The following GNA14 variants were observed in gnomAD, a reference collection of about 807,000 sequenced individuals.
GNA14 encodes G protein subunit alpha 14.
GNA14 carries 50 observed loss-of-function variants against 42.0 expected under a neutral mutation model. The ratio of observed to expected loss-of-function variants is 1.19; its 90% CI spans 0.95 to 1.51. GNA14 has a LOEUF of 1.51. Ranked by LOEUF, GNA14 falls within the 40% of genes most tolerant of loss-of-function variation. The pLI is 0.00. For synonymous variants in GNA14, 173 were observed against 163.1 expected (o/e 1.06, Z -0.46); for missense variants, 473 against 446.2 (o/e 1.06, Z -0.54).
intron 1 of GNA14, among the ~76,000 whole-genome samples, chr9:77,593,946 A>G (rs554106768): frequency 6.6e-6 from 1 of 152,282 alleles, no homozygotes; most frequent in South Asian, 2.1e-4. Flanking sequence ...GCTGCCTTAT[A>G]TTGTACAATG....
intron 2 of GNA14, among the ~76,000 whole-genome samples, chr9:77,452,597 GTGTGTATGTGTA>G (rs1835926690): frequency 7.9e-3 from 3 of 378 alleles, no homozygotes; most frequent in African/African-American, 0.015. Flanking sequence ...TGTGTGTGTG[GTGTGTATGTGTA>G]TGTGTGTGTA....
intron 2 of GNA14, among the ~76,000 whole-genome samples, chr9:77,512,377 G>C (rs1564037212): frequency 6.6e-6 from 1 of 152,018 alleles, no homozygotes; most frequent in Non-Finnish European, 1.5e-5. Flanking sequence ...TAGCATTTGG[G>C]TTTTTTATGT....
chr9:77,429,227 A>G (rs1430819011), intron 4 of GNA14, among the ~76,000 whole-genome samples, 191 bp from the exon 5 acceptor site: 1 of 152,238 alleles, frequency 6.6e-6, no homozygotes, highest in Admixed American at 6.5e-5. Context: ...GATGTTTCCT[A>G]GCAAAGAAGG....
At chr9:77,539,599 T>C (rs1036597287) in intron 1 of GNA14, among the ~76,000 whole-genome samples, 3 of 152,212 alleles carry the variant, frequency 2.0e-5, no homozygotes, top group South Asian at 2.1e-4. Context: ...TTCTTCATTA[T>C]ACATTTGGTA....
chr9:77,647,875 T>A lies in GNA14; in HGVS notation c.-82A>T. On this transcript the variant is annotated 5_prime_UTR_variant, in exon 1 of 7. The change abolishes an upstream ATG in the 5' untranslated region. Coordinates refer to ENST00000341700, the MANE Select transcript of GNA14 (RefSeq NM_004297.4). ...GGCCCGGCCGCTCACCCGGCCAGCA[T>A]GCGACGGGCACAGGGGTGTGGAAAG... is the stretch of plus-strand genomic sequence containing the variant. 6 of 1,501,450 alleles carry A rather than the reference T, an allele frequency of 4.0e-6. No homozygotes were observed. The highest frequency in any genetic ancestry group is 5.4e-6 in the Non-Finnish European group (6 of 1,113,368). 93.0% of individuals were successfully genotyped at this position (1,501,450 alleles called of 1,614,324 possible). A position where few individuals can be genotyped will look rare whatever the true frequency, so the allele number is the denominator to read the frequency against.
intron 1 of GNA14, among the ~76,000 whole-genome samples, chr9:77,643,928 A>G (rs1417522767): frequency 6.6e-6 from 1 of 152,168 alleles, no homozygotes; most frequent in Non-Finnish European, 1.5e-5. Flanking sequence ...CAGAGAATTT[A>G]GTCCACAGCT....
intron 2 of GNA14, among the ~76,000 whole-genome samples, chr9:77,499,694 A>T (rs1308744645): frequency 6.6e-6 from 1 of 152,032 alleles, no homozygotes. Context: ...TACTAAAAAT[A>T]CAAAAATTAG....
chr9:77,450,667 G>A (rs1043084068), intron 2 of GNA14, among the ~76,000 whole-genome samples: 13 of 151,436 alleles, frequency 8.6e-5, no homozygotes, highest in African/African-American at 2.4e-4. Context: ...CTAGTGGCCC[G>A]TGTAATTTTC....
intron 2 of GNA14, chr9:77,456,506 G>A (rs1031797375): frequency 2.0e-5 from 3 of 152,194 alleles, no homozygotes; most frequent in Admixed American, 2.0e-4. Context: ...AGAAATAGAA[G>A]AAGGGCTTGG....
intron 2 of GNA14, among the ~76,000 whole-genome samples, chr9:77,438,742 C>T (rs570772429): frequency 6.6e-6 from 1 of 152,270 alleles, no homozygotes; most frequent in African/African-American, 2.4e-5. Flanking sequence ...CAAACACACA[C>T]ACACTTCAAA....
chr9:77,562,544 T>A (rs1423460839), intron 1 of GNA14, among the ~76,000 whole-genome samples: 1 of 152,096 alleles, frequency 6.6e-6, no homozygotes, highest in East Asian at 1.9e-4. Flanking sequence ...GATTCAGTAA[T>A]CTATGTGGTA....
At chr9:77,458,676 T>C (rs979077444) in intron 2 of GNA14, among the ~76,000 whole-genome samples, 5 of 152,108 alleles carry the variant, frequency 3.3e-5, no homozygotes, top group African/African-American at 1.2e-4. Context: ...TTTCCTAGAG[T>C]AAAGATACTA....
chr9:77,465,782 T>C (rs1836211932), intron 2 of GNA14, among the ~76,000 whole-genome samples: 1 of 152,122 alleles, frequency 6.6e-6, no homozygotes, highest in Non-Finnish European at 1.5e-5. Flanking sequence ...ATTGTTAAAA[T>C]GTTTTATACA....
chr9:77,529,019 TGGGCAGGCATACATTCACAAATA>T, intron 2 of GNA14, 27 bp downstream of exon 2: 1 of 1,464,716 alleles, frequency 6.8e-7, no homozygotes, highest in South Asian at 1.1e-5. Context: ...CTAACCAGAG[TGGGCAGGCATACATTCACAAATA>T]GGGCAAGCAC....
At chr9:77,487,134 T>C (rs1458744856) in intron 2 of GNA14, among the ~76,000 whole-genome samples, 2 of 152,090 alleles carry the variant, frequency 1.3e-5, no homozygotes, top group Non-Finnish European at 2.9e-5. Flanking sequence ...AAGTGACTAG[T>C]AGGCAGAGAG....
chr9:77,643,975 C>A (rs926810146), intron 1 of GNA14, among the ~76,000 whole-genome samples: 2 of 152,144 alleles, frequency 1.3e-5, no homozygotes, highest in African/African-American at 4.8e-5. Flanking sequence ...CCCAGGCAGA[C>A]TGGGCTAAGA....
chr9:77,646,056 T>C (rs920405014), intron 1 of GNA14, among the ~76,000 whole-genome samples: 8 of 152,232 alleles, frequency 5.3e-5, no homozygotes, highest in Non-Finnish European at 1.0e-4. Context: ...CCAGGGACAA[T>C]TTAGAATTTT....
chr9:77,599,172 G>A (rs1823513244), intron 1 of GNA14, among the ~76,000 whole-genome samples: 1 of 152,200 alleles, frequency 6.6e-6, no homozygotes, highest in Non-Finnish European at 1.5e-5. Flanking sequence ...CAAAATGGAT[G>A]AGATTGTTAC....
At chr9:77,630,520 T>A (rs565435418) in intron 1 of GNA14, among the ~76,000 whole-genome samples, 22 of 152,272 alleles carry the variant, frequency 1.4e-4, no homozygotes, top group Non-Finnish European at 3.1e-4. Flanking sequence ...GATACTTGGG[T>A]TTTTAAAATG....
Sources: gnomAD v4.1 joint callset for allele counts (sites outside exome capture counted in the v4.1 genomes callset) on GRCh38, gnomAD v4.1.1 for gene constraint, MANE v1.5 for transcripts, NCBI Gene and HGNC (gene_info 2026-07-23, HGNC 2026-07-21) for gene names.